Variants in PCDHGA9 observed in about 807,000 individuals in gnomAD.
PCDHGA9 encodes the protein protocadherin gamma subfamily A, 9, also known as protocadherin gamma-A9.
PCDHGA9 carries 37 observed loss-of-function variants against 62.5 expected under a neutral mutation model. That is an observed-to-expected ratio of 0.59 (90% confidence interval 0.46 to 0.78). The LOEUF is 0.78. PCDHGA9 is among the 30% of genes least tolerant of loss of function. The probability of loss-of-function intolerance (pLI) is 0.00; values close to 1 mark genes in which losing one functional copy is unlikely to be tolerated. For synonymous variants in PCDHGA9, 459 were observed against 484.6 expected (o/e 0.95, Z 0.69); for missense variants, 1,138 against 1,166.2 (o/e 0.98, Z 0.35).
In PCDHGA9 at chr5:141,432,571, G is replaced by A. The variant is rs776214748; in HGVS notation, c.2424+27195G>A. On this transcript the variant is annotated intron_variant, in intron 1 of 3. Coordinates refer to ENST00000573521, the MANE Select transcript of PCDHGA9 (RefSeq NM_018921.3). The surrounding 1 kb of genome is among the most constrained non-coding windows in gnomAD (Gnocchi z 6.0). ...GAGACTCCGGCCAGAACGCCTGGCT[G>A]TCCTACCGTCTGCTCAAGGCCAGCG... is the stretch of plus-strand genomic sequence containing the variant. 1.2e-6 allele frequency: 2 copies of A among 1,613,954 alleles called. No homozygotes were observed. Among genetic ancestry groups the A allele is most frequent in the South Asian group, 1.1e-5 (1 of 91,068 alleles).
intron 1 of PCDHGA9, chr5:141,426,170 T>G (rs2096918811): frequency 6.4e-6 from 1 of 155,200 alleles, no homozygotes. Flanking sequence ...CCATACGGAT[T>G]GGGGTGCCCT....
Position 141,404,243 on chromosome 5 carries a change from C to A in PCDHGA9, c.1291C>A (p.Pro431Thr). 1 of 1,613,810 alleles carries A rather than the reference C, an allele frequency of 6.2e-7. No homozygotes were observed. Among genetic ancestry groups the A allele is most frequent in the Non-Finnish European group, 8.5e-7 (1 of 1,179,820 alleles). ...GACTGCAACAGACAGAGGAACTCCG[C>A]CCCTGTCCACAGAAATTCACATCAC... Reference protein sequence around the residue: ...TVTATDRGTPPLSTEIHITLQ... With the variant: ...TVTATDRGTPTLSTEIHITLQ... The change falls in exon 1 of 4, where the codon CCC becomes ACC. Residue 431 changes from proline to threonine, a missense_variant. By Grantham distance (38) the Pro-to-Thr change is conservative (BLOSUM62 -1). Coordinates refer to ENST00000573521, the MANE Select transcript of PCDHGA9 (RefSeq NM_018921.3).
chr5:141,456,554 G>A (rs1003323522), intron 1 of PCDHGA9, among the ~76,000 whole-genome samples: 2 of 152,202 alleles, frequency 1.3e-5, no homozygotes, highest in Non-Finnish European at 2.9e-5. Flanking sequence ...GCCACTCGGG[G>A]CTGAAGCCCA....
chr5:141,459,444 T>C (rs1485634547), intron 1 of PCDHGA9, among the ~76,000 whole-genome samples: 1 of 152,244 alleles, frequency 6.6e-6, no homozygotes, highest in Non-Finnish European at 1.5e-5. Context: ...TTCATTCAAC[T>C]GTTGGTGGAC....
At chr5:141,413,524 A>G (rs772774054) in intron 1 of PCDHGA9, 7 of 1,613,974 alleles carry the variant, frequency 4.3e-6, no homozygotes, top group Non-Finnish European at 5.9e-6. Flanking sequence ...TGTGGAAGAC[A>G]GGGTGAAACT....
chr5:141,471,925 G>A (rs1371923375), intron 1 of PCDHGA9, among the ~76,000 whole-genome samples: 1 of 152,076 alleles, frequency 6.6e-6, no homozygotes, highest in Non-Finnish European at 1.5e-5. Flanking sequence ...AAATTTTGGG[G>A]GTGATGAGAG....
rs780685517 is a variant in PCDHGA9 at position 141,489,548 on chromosome 5, T to C, written c.2425-5259T>C. 6.2e-7 allele frequency: 1 copy of C among 1,614,136 alleles called. No individual in the cohort carries two copies. Among genetic ancestry groups the C allele is most frequent in the South Asian group, 1.1e-5 (1 of 91,086 alleles). On this transcript the variant is annotated intron_variant, in intron 1 of 3. Coordinates refer to ENST00000573521, the MANE Select transcript of PCDHGA9 (RefSeq NM_018921.3). This position sits in a 1 kb window ranked among gnomAD's most constrained non-coding sequence, Gnocchi z 4.5. ...CTATGTGGAGCCAGCACCAGCTGCCTGCTGCCAGTGCAGGTGGTGACTGAA... is the reference window on the plus strand; with the variant it reads ...CTATGTGGAGCCAGCACCAGCTGCCCGCTGCCAGTGCAGGTGGTGACTGAA...
chr5:141,430,617 C>G, intron 1 of PCDHGA9: 1 of 715,450 alleles, frequency 1.4e-6, no homozygotes, highest in South Asian at 3.9e-5. Context: ...AAGCAGATAG[C>G]TAGGAATGAA....
At chr5:141,451,185 T>C (rs900513875) in intron 1 of PCDHGA9, among the ~76,000 whole-genome samples, 1 of 152,182 alleles carries the variant, frequency 6.6e-6, no homozygotes, top group Non-Finnish European at 1.5e-5. Context: ...GCCATTGCTG[T>C]GTAACAAATT....
chr5:141,428,108 G>C (rs771684309), intron 1 of PCDHGA9: 6 of 1,608,094 alleles, frequency 3.7e-6, no homozygotes, highest in Admixed American at 1.7e-5. Context: ...ACGTGCTGCA[G>C]GCCATCGAGC....
At chr5:141,451,557 G>T (rs192150041) in intron 1 of PCDHGA9, among the ~76,000 whole-genome samples, 2 of 152,234 alleles carry the variant, frequency 1.3e-5, no homozygotes, top group East Asian at 3.9e-4. Context: ...TGTGATGAAA[G>T]CCACAATCTT....
chr5:141,421,219 G>C (rs894586889), intron 1 of PCDHGA9: 1 of 1,573,208 alleles, frequency 6.4e-7, no homozygotes. Context: ...TATCGGCTTA[G>C]AGCCTGCCAT....
intron 1 of PCDHGA9, chr5:141,410,843 C>CTT: frequency 4.6e-6 from 1 of 216,280 alleles, no homozygotes; most frequent in South Asian, 8.0e-5. Flanking sequence ...GATATTTTGT[C>CTT]TTTGTCTTTT....
chr5:141,409,948 A>G, intron 1 of PCDHGA9: 1 of 1,613,348 alleles, frequency 6.2e-7, no homozygotes, highest in South Asian at 1.1e-5. Context: ...CTCGCTCTGC[A>G]GAGCCCGGCT....
chr5:141,420,005 C>T, intron 1 of PCDHGA9: 2 of 1,614,056 alleles, frequency 1.2e-6, no homozygotes, highest in Non-Finnish European at 1.7e-6. Context: ...TCTACGCCTG[C>T]GACAGTCTTT....
At position 141,431,828 on chromosome 5, in the gene PCDHGA9, C is replaced by G. The variant is rs750949066; in HGVS notation, c.2424+26452C>G. ...CCTCACCTCTCTCGCCAGCTCGGTTCCCGAAAACTCTCCCAGAGGGACATT... is the reference window on the plus strand; with the variant it reads ...CCTCACCTCTCTCGCCAGCTCGGTTGCCGAAAACTCTCCCAGAGGGACATT... On this transcript the variant is annotated intron_variant, in intron 1 of 3. Coordinates refer to ENST00000573521, the MANE Select transcript of PCDHGA9 (RefSeq NM_018921.3). This position sits in a 1 kb window ranked among gnomAD's most constrained non-coding sequence, Gnocchi z 4.8. The G allele has an allele frequency of 5.6e-6, 9 of 1,610,208 alleles. No homozygotes were observed. Among genetic ancestry groups the G allele is most frequent in the Non-Finnish European group, 1.7e-6 (2 of 1,176,374 alleles).
Position 141,453,588 on chromosome 5 carries a change from CTG to C in PCDHGA9, c.2425-41215_2425-41214del, listed in dbSNP as rs572244169. ...TTCATTAGTTTGTGGTTTATCCTCA[CTG>C]TGTTTCTTTTTGCAAAACGCAAAAA... On this transcript the variant is annotated intron_variant, in intron 1 of 3. Coordinates refer to ENST00000573521, the MANE Select transcript of PCDHGA9 (RefSeq NM_018921.3). Among the ~76,000 whole-genome samples the C allele has an allele frequency of 5.9e-5, 9 of 152,296 alleles. No individual in the cohort carries two copies. In the South Asian group the frequency reaches 1.5e-3, roughly 25 times the overall value.
chr5:141,403,261 G>A lies in PCDHGA9; in HGVS notation c.309G>A (p.Leu103=). The A allele has an allele frequency of 6.2e-7, 1 of 1,613,852 alleles. No homozygotes were observed. The highest frequency in any genetic ancestry group is 2.2e-5 in the East Asian group (1 of 44,888). ...TCTGTGCTCAGAGCCCGCGGTGTCT[G>A]GTGAACTTTAAAGTCCTGGTTGAAG... ...EELCAQSPRC[L]VNFKVLVEDR... The change falls in exon 1 of 4, where the codon CTG becomes CTA. Residue 103 remains leucine (L), a synonymous_variant. Transcript: ENST00000573521.
intron 1 of PCDHGA9, chr5:141,423,628 AT>A (rs2096762361): frequency 6.2e-7 from 1 of 1,604,844 alleles, no homozygotes; most frequent in Admixed American, 1.7e-5. Flanking sequence ...CTCAGCTATC[AT>A]TTTAGGCAAA....
Sources: allele counts gnomAD v4.1 joint callset (sites outside exome capture counted in the v4.1 genomes callset), GRCh38; gene constraint gnomAD v4.1.1; non-coding constraint Gnocchi (gnomAD v3.1); transcripts MANE v1.5; gene names NCBI Gene and HGNC (gene_info 2026-07-23, HGNC 2026-07-21).